The following A2M variants were observed in gnomAD, a reference collection of about 807,000 sequenced individuals.
A2M encodes C3 and PZP-like alpha-2-macroglobulin domain-containing protein 5.
A2M carries 128 observed loss-of-function variants against 183.9 expected under a neutral mutation model. That is an observed-to-expected ratio of 0.70 (90% confidence interval 0.60 to 0.81). The LOEUF is 0.81. Among genes scored for constraint, A2M ranks in the 30% least tolerant of loss-of-function variants. A2M has a pLI of 0.00. For missense variants in A2M, 1,495 were observed against 1,787.6 expected, an observed-to-expected ratio of 0.84 and a Z score of 2.95; for synonymous variants, 592 against 670.8, an observed-to-expected ratio of 0.88 and a Z score of 1.81.
At chr12:9,115,960 T>G (rs1939091262), upstream of A2M, 1 of 864,074 alleles carries the variant, frequency 1.2e-6, no homozygotes. Flanking sequence ...CTGCTCTGTG[T>G]GCAAACAGGA....
Position 9,072,459 on chromosome 12 carries a change from C to T in A2M, c.4003G>A (p.Glu1335Lys), listed in dbSNP as rs751348862. 3 of 1,612,602 alleles carry T rather than the reference C, an allele frequency of 1.9e-6. No individual in the cohort carries two copies. The highest frequency in any genetic ancestry group is 2.5e-6 in the Non-Finnish European group (3 of 1,179,570). ...AAAGCAAAGGGGAACTCTTCCTTTT[C>T]TGGGAGAATATTGTATTTCAAGGAT... ...QTSLKYNILP[E>K]KEEFPFALGV... is the part of the protein sequence containing the mutation. The change falls in exon 31 of 36, where the codon GAA (glutamate) becomes AAA (lysine). Residue 1335 changes from glutamate (E) to lysine (K), a missense_variant. By Grantham distance (56) the Glu-to-Lys change is moderately conservative. Coordinates refer to ENST00000318602, the MANE Select transcript of A2M (RefSeq NM_000014.6).
In A2M at chr12:9,070,465, GTCT is replaced by G; in HGVS notation, c.4194+20_4194+22del. The stretch of plus-strand genomic sequence containing the variant: ...ATACATCATTAAATAAAATAGGGCA[GTCT>G]GGGGTTATGATAAACCTACCATTTT... On this transcript the variant is annotated intron_variant, in intron 32 of 35. Coordinates refer to ENST00000318602, the MANE Select transcript of A2M (RefSeq NM_000014.6). 6.5e-7 allele frequency: 1 copy of G among 1,537,122 alleles called. No individual in the cohort carries two copies. Among genetic ancestry groups the G allele is most frequent in the East Asian group, 2.2e-5 (1 of 44,456 alleles).
At chr12:9,071,048 G>C (rs968218017) in intron 31 of A2M, among the ~76,000 whole-genome samples, 3 of 151,926 alleles carry the variant, frequency 2.0e-5, no homozygotes, top group Non-Finnish European at 4.4e-5. Context: ...TTGAACTCCC[G>C]ACCTAAGGTA....
At chr12:9,069,856 A>C (rs1006445793) in intron 32 of A2M, 43 bp from the exon 33 acceptor site, 2 of 1,569,658 alleles carry the variant, frequency 1.3e-6, no homozygotes, top group Non-Finnish European at 1.8e-6. Context: ...AAATAGATGA[A>C]ACCCCTGGGG....
At chr12:9,107,887 T>C (rs1338474653) in intron 7 of A2M, among the ~76,000 whole-genome samples, 2 of 152,022 alleles carry the variant, frequency 1.3e-5, no homozygotes, top group Non-Finnish European at 2.9e-5. Flanking sequence ...TTTTTTTAGT[T>C]TTATCTTAAA....
At chr12:9,089,772 G>T in intron 21 of A2M, 130 bp downstream of exon 21, 1 of 717,472 alleles carries the variant, frequency 1.4e-6, no homozygotes, top group Non-Finnish European at 2.0e-6. Flanking sequence ...CAACAAAACA[G>T]AAAGTAAATC....
chr12:9,114,246 A>G (rs1207503244), intron 1 of A2M, among the ~76,000 whole-genome samples: 1 of 152,230 alleles, frequency 6.6e-6, no homozygotes, highest in African/African-American at 2.4e-5. Flanking sequence ...TGCAGTACAG[A>G]AACTTTCTCA....
Position 9,089,890 on chromosome 12 carries a change from A to G in A2M, c.2718+12T>C. The G allele has an allele frequency of 6.3e-7, 1 of 1,597,160 alleles. No individual in the cohort carries two copies. The highest frequency in any genetic ancestry group is 8.6e-7 in the Non-Finnish European group (1 of 1,167,750). ...TATTATTGTGGACTATATATTATTT[A>G]GGTTTACTTACTTCAACCAACAGAG... On this transcript the variant is annotated intron_variant, in intron 21 of 35. Coordinates refer to ENST00000318602, the MANE Select transcript of A2M (RefSeq NM_000014.6).
In A2M at chr12:9,107,531, C is replaced by T. The variant is rs913584475; in HGVS notation, c.872G>A (p.Ser291Asn). The change falls in exon 8 of 36, where the codon AGT becomes AAT. Residue 291 changes from serine (S) to asparagine (N), a missense_variant. Coordinates refer to ENST00000318602, the MANE Select transcript of A2M (RefSeq NM_000014.6). ...EDSQAFCEKF[S>N]GQLNSHGCFY... is the part of the protein sequence containing the mutation. Reference sequence around the variant, plus strand: ...AAATAGTGTTCAACCTACCTGTCCACTGAATTTCTCACAGAAAGCCTGTGA... The same window carrying T: ...AAATAGTGTTCAACCTACCTGTCCATTGAATTTCTCACAGAAAGCCTGTGA... 7 of 1,613,928 alleles carry T rather than the reference C, an allele frequency of 4.3e-6. No individual in the cohort carries two copies. Among genetic ancestry groups the T allele is most frequent in the East Asian group, 2.2e-5 (1 of 44,878 alleles).
intron 28 of A2M, 85 bp from the exon 29 acceptor site, chr12:9,074,868 G>C (rs1391405993): frequency 1.5e-6 from 2 of 1,345,476 alleles, no homozygotes; most frequent in African/African-American, 2.9e-5. Context: ...GTGCTGAAAT[G>C]AGAATTGCAT....
chr12:9,084,726 A>G (rs1016362007), intron 22 of A2M, among the ~76,000 whole-genome samples: 1 of 152,164 alleles, frequency 6.6e-6, no homozygotes, highest in African/African-American at 2.4e-5. Flanking sequence ...TTTAAAAGAC[A>G]TAAAGTGACT....
Position 9,101,554 on chromosome 12 carries a change from G to C in A2M, c.1387C>G (p.Pro463Ala). 6.2e-7 allele frequency: 1 copy of C among 1,613,972 alleles called. No homozygotes were observed. The highest frequency in any genetic ancestry group is 8.5e-7 in the Non-Finnish European group (1 of 1,179,878). Reference protein sequence around the residue: ...SPSKSFVHLEPMSHELPCGHT... With the variant: ...SPSKSFVHLEAMSHELPCGHT... ...CCACAGGGTAGTTCATGAGACATGG[G>C]CTCAAGGTGGACAAAGCTCTTGCTT... The change falls in exon 12 of 36, where the codon CCC becomes GCC. Residue 463 changes from proline (P) to alanine (A), a missense_variant. Physicochemically the swap from Pro to Ala is conservative, Grantham distance 27 (BLOSUM62 -1). Transcript: ENST00000318602.
rs778826675 is a variant in A2M at position 9,087,954 on chromosome 12, G to GA, written c.2770+1245dup. The stretch of plus-strand genomic sequence containing the variant: ...AATTTTTTAAAGCTAGTGAATAGTT[G>GA]AAAAAACCAATATAGGAAGACTAAA... On this transcript the variant is annotated intron_variant, in intron 22 of 35. Coordinates refer to ENST00000318602, the MANE Select transcript of A2M (RefSeq NM_000014.6). 5.5e-4 allele frequency among the ~76,000 whole-genome samples: 84 copies of GA among 152,078 alleles called. 1 individual carries two copies. The highest frequency in any genetic ancestry group is 1.8e-3 in the African/African-American group (74 of 41,516).
Position 9,113,398 on chromosome 12 carries a change from C to T in A2M, c.232G>A (p.Glu78Lys). ...CAGTGGAGTACGTCATTCTCCGCCT[C>T]CAGGTCAGTGAAGAGGCTCCTGTTT... ...RGNRSLFTDLEAENDVLHCVA... is the reference protein window; with the variant it reads ...RGNRSLFTDLKAENDVLHCVA... The change falls in exon 2 of 36, where the codon GAG becomes AAG. Residue 78 changes from glutamate to lysine, a missense_variant. Transcript: ENST00000318602. 6.2e-7 allele frequency: 1 copy of T among 1,613,718 alleles called. No individual in the cohort carries two copies. Among genetic ancestry groups the T allele is most frequent in the Non-Finnish European group, 8.5e-7 (1 of 1,179,908 alleles).
At chr12:9,068,067 G>A in intron 35 of A2M, 116 bp downstream of exon 35, 1 of 1,223,532 alleles carries the variant, frequency 8.2e-7, no homozygotes, top group Admixed American at 2.2e-5. Flanking sequence ...ATAATGTGCA[G>A]TGTGAGTAAT....
At chr12:9,095,742 C>CTTTTTTTTTTTTT (rs34176052) in intron 15 of A2M, 42 bp from the exon 16 acceptor site, 2 of 276,800 alleles carry the variant, frequency 7.2e-6, no homozygotes, top group Non-Finnish European at 1.1e-5. Context: ...TTATTTGTGA[C>CTTTTTTTTTTTTT]TTTTTTTTTT....
chr12:9,077,707 G>A lies in A2M; in HGVS notation c.3270C>T (p.Ala1090=). The change falls in exon 26 of 36, where the codon GCC becomes GCT. Residue 1090 remains alanine, a synonymous_variant. Coordinates refer to ENST00000318602, the MANE Select transcript of A2M (RefSeq NM_000014.6). ...TAGCTCCAGAATGATTCACCTTTAT[G>A]GCATTGTTGAGCAGTGACCCAGAGC... The part of the protein sequence containing the change: ...FRSSGSLLNN[A]IKGGVEDEVT... 6.2e-7 allele frequency: 1 copy of A among 1,613,996 alleles called. No homozygotes were observed. Among genetic ancestry groups the A allele is most frequent in the Admixed American group, 1.7e-5 (1 of 60,010 alleles).
intron 12 of A2M, 99 bp downstream of exon 12, chr12:9,101,348 A>T: frequency 1.5e-6 from 2 of 1,328,046 alleles, no homozygotes; most frequent in Non-Finnish European, 2.1e-6. Context: ...GAACATGGAT[A>T]AGAAGTTGAA....
At chr12:9,106,864 A>AT (rs988603359) in intron 8 of A2M, among the ~76,000 whole-genome samples, 8 of 151,956 alleles carry the variant, frequency 5.3e-5, no homozygotes, top group African/African-American at 9.7e-5. Flanking sequence ...TTGAGGAGTA[A>AT]TTTTTTTTGT....
Sources: gnomAD v4.1 joint callset for allele counts (sites outside exome capture counted in the v4.1 genomes callset) on GRCh38, gnomAD v4.1.1 for gene constraint, MANE v1.5 for transcripts, NCBI Gene and HGNC (gene_info 2026-07-23, HGNC 2026-07-21) for gene names.